Variants in FKBP15 observed in about 807,000 individuals in gnomAD.
FKBP15 encodes the protein FK506-binding protein 15.
A neutral mutation model predicts 158.1 loss-of-function variants in FKBP15; 106 were observed. The ratio of observed to expected loss-of-function variants is 0.67; its 90% CI spans 0.57 to 0.79. FKBP15 has a LOEUF of 0.79. Ranked by LOEUF, FKBP15 falls within the 30% of genes least tolerant of loss-of-function variation. FKBP15 has a pLI of 0.00. For synonymous variants in FKBP15, 547 were observed against 548.6 expected, an observed-to-expected ratio of 1.00 and a Z score of 0.04; for missense variants, 1,287 against 1,479.1, an observed-to-expected ratio of 0.87 and a Z score of 2.13.
Position 113,162,813 on chromosome 9 carries a change from A to G in FKBP15, c.*3265T>C, listed in dbSNP as rs551003567. On this transcript the variant is annotated 3_prime_UTR_variant, in exon 28 of 28. Transcript: ENST00000238256. ...CATCCAGGTGGTCATCGGCTACTTC[A>G]TCATGCTGGCCGTAATGTCCTACAA... 1 of 1,613,752 alleles carries G rather than the reference A, an allele frequency of 6.2e-7. No individual in the cohort carries two copies. The highest frequency in any genetic ancestry group is 1.3e-5 in the African/African-American group (1 of 74,974).
chr9:113,193,136 G>C (rs751313513), intron 11 of FKBP15, among the ~76,000 whole-genome samples: 1 of 152,144 alleles, frequency 6.6e-6, no homozygotes, highest in Non-Finnish European at 1.5e-5. Flanking sequence ...ATTTTCTCAA[G>C]GCCACATGCT....
In FKBP15 at chr9:113,178,751, C is replaced by T. The variant is rs141462079; in HGVS notation, c.1965G>A (p.Leu655=). Residue 655 remains leucine, a synonymous_variant, in exon 20 of 28, where the codon CTG becomes CTA. Transcript: ENST00000238256. ...LAAATAQVSH[L]QLKMTAHQKK... The stretch of plus-strand genomic sequence containing the variant: ...TTTGGTGAGCAGTCATTTTCAGCTG[C>T]AGATGAGAGACCTGTGCAGTGGCCG... 161 of 1,609,648 alleles carry T rather than the reference C, an allele frequency of 1.0e-4. No individual in the cohort carries two copies. The African/African-American group carries it at 1.8e-3, about 18-fold the overall frequency.
intron 22 of FKBP15, 53 bp downstream of exon 22, chr9:113,174,375 C>T: frequency 1.3e-6 from 2 of 1,575,026 alleles, no homozygotes; most frequent in Non-Finnish European, 1.7e-6. Context: ...GCTTTTCTCT[C>T]TGAGTCCTTC....
chr9:113,212,788 A>G (rs78935941), intron 1 of FKBP15, among the ~76,000 whole-genome samples: 43 of 152,236 alleles, frequency 2.8e-4, no homozygotes, highest in African/African-American at 9.9e-4. Context: ...GTAGGGTTTC[A>G]TACTGTCTCT....
rs372157339 is a variant in FKBP15 at position 113,163,863 on chromosome 9, G to T, written c.*2215C>A. 2 of 152,490 alleles carry T rather than the reference G, an allele frequency of 1.3e-5. No homozygotes were observed. Among genetic ancestry groups the T allele is most frequent in the South Asian group, 4.2e-4 (2 of 4,814 alleles). 9.4% of individuals were successfully genotyped at this position (152,490 alleles called of 1,614,324 possible). A position where few individuals can be genotyped will look rare whatever the true frequency, so the allele number is the denominator to read the frequency against. On this transcript the variant is annotated 3_prime_UTR_variant, in exon 28 of 28. Transcript: ENST00000238256. The stretch of plus-strand genomic sequence containing the variant: ...TCTATTTATTACTTACTGCTTACTC[G>T]TAATGATCTAGTGGGGAAACATGAT...
intron 4 of FKBP15, among the ~76,000 whole-genome samples, chr9:113,205,721 C>G (rs541475180): frequency 6.6e-6 from 1 of 152,256 alleles, no homozygotes; most frequent in Non-Finnish European, 1.5e-5. Context: ...CTTCACGATA[C>G]ATACTTTTTT....
rs1271148765 is a variant in FKBP15, at chr9:113,174,559, A to C, written c.2248T>G (p.Ser750Ala). Reference sequence around the variant, plus strand: ...TCGGCCTGAGAACGCTCTTGAGCTGACTTCTTTTTCCTTTCTGAGAGGTTC... The same window carrying C: ...TCGGCCTGAGAACGCTCTTGAGCTGCCTTCTTTTTCCTTTCTGAGAGGTTC... ...EKNLSERKKKSAQERSQAEEE... is the reference protein window; with the variant it reads ...EKNLSERKKKAAQERSQAEEE... Residue 750 changes from serine to alanine, a missense_variant, in exon 22 of 28, where the codon TCA becomes GCA. Coordinates refer to ENST00000238256, the MANE Select transcript of FKBP15 (RefSeq NM_015258.2). 6 of 1,613,756 alleles carry C rather than the reference A, an allele frequency of 3.7e-6. No individual in the cohort carries two copies. In the South Asian group the frequency reaches 6.6e-5, roughly 18 times the overall value.
At chr9:113,187,428 T>C in intron 14 of FKBP15, 1 of 178,806 alleles carries the variant, frequency 5.6e-6, no homozygotes, top group Non-Finnish European at 1.2e-5. Context: ...AACCATACCA[T>C]TCTGCTGAAT....
In FKBP15 at chr9:113,169,658, G is replaced by T. The variant is rs200970951; in HGVS notation, c.3051C>A (p.Leu1017=). 104 of 1,613,998 alleles carry T rather than the reference G, an allele frequency of 6.4e-5. No homozygotes were observed. Among genetic ancestry groups the T allele is most frequent in the Middle Eastern group, 4.9e-4 (3 of 6,062 alleles). Residue 1017 remains leucine (L), a synonymous_variant, in exon 26 of 28, where the codon CTC becomes CTA. Transcript: ENST00000238256. The part of the protein sequence containing the change: ...RRKGDSEAEA[L]SEIKDGSLPP... ...GAAGGGAACCATCTTTTATCTCTGA[G>T]AGTGCCTCAGCTTCTGAGTCCCCTT... is the stretch of plus-strand genomic sequence containing the variant.
rs775023697 is a variant in FKBP15 at position 113,194,111 on chromosome 9, G to A, written c.923C>T (p.Ala308Val). ...AGCACCAGGGATGGGAGACGGAGCT[G>A]CAGAATCGCGGGAACTAACACTGTG... ...DGHSVSSRDS[A>V]APSPIPGADN... The change falls in exon 10 of 28, where the codon GCA becomes GTA. Residue 308 changes from alanine to valine, a missense_variant. Ala to Val is a moderately conservative substitution (Grantham distance 64). Coordinates refer to ENST00000238256, the MANE Select transcript of FKBP15 (RefSeq NM_015258.2). 5.6e-6 allele frequency: 9 copies of A among 1,613,318 alleles called. No individual in the cohort carries two copies. Among genetic ancestry groups the A allele is most frequent in the South Asian group, 3.3e-5 (3 of 91,052 alleles).
Position 113,162,728 on chromosome 9 carries a change from T to A in FKBP15, c.*3350A>T. On this transcript the variant is annotated 3_prime_UTR_variant, in exon 28 of 28. Coordinates refer to ENST00000238256, the MANE Select transcript of FKBP15 (RefSeq NM_015258.2). The stretch of plus-strand genomic sequence containing the variant: ...TTACCAGCTCATTACCAGGATTAAC[T>A]TGCTTCTCCTTTTTATCTAGGTGGT... The A allele has an allele frequency of 6.2e-7, 1 of 1,600,972 alleles. No individual in the cohort carries two copies. Among genetic ancestry groups the A allele is most frequent in the Middle Eastern group, 1.7e-4 (1 of 5,964 alleles).
At chr9:113,166,892 T>C (rs1400436141) in intron 27 of FKBP15, among the ~76,000 whole-genome samples, 1 of 152,188 alleles carries the variant, frequency 6.6e-6, no homozygotes, top group African/African-American at 2.4e-5. Flanking sequence ...GGATTGATGC[T>C]ACAGACAGGC....
intron 19 of FKBP15, among the ~76,000 whole-genome samples, chr9:113,179,865 T>G (rs1476689886): frequency 6.6e-6 from 1 of 152,216 alleles, no homozygotes. Context: ...TTTAAGATAC[T>G]TATTTTTGCT....
Position 113,165,864 on chromosome 9 carries a change from C to A in FKBP15, c.*214G>T. The A allele has an allele frequency of 2.1e-6, 1 of 484,694 alleles. No individual in the cohort carries two copies. Among genetic ancestry groups the A allele is most frequent in the Non-Finnish European group, 3.8e-6 (1 of 265,872 alleles). The allele number at this position is 484,694 out of a possible 1,614,324, so 30.0% of individuals were successfully genotyped here. On this transcript the variant is annotated 3_prime_UTR_variant, in exon 28 of 28. Coordinates refer to ENST00000238256, the MANE Select transcript of FKBP15 (RefSeq NM_015258.2). Reference sequence around the variant, plus strand: ...CTTCTTCCAACTTGCTGCTGAAATCCCAGTGTTCTTGAAGACAGGGTTATG... The same window carrying A: ...CTTCTTCCAACTTGCTGCTGAAATCACAGTGTTCTTGAAGACAGGGTTATG...
At position 113,164,744 on chromosome 9, in the gene FKBP15, A is replaced by C. The variant is rs534038815; in HGVS notation, c.*1334T>G. On this transcript the variant is annotated 3_prime_UTR_variant, in exon 28 of 28. Transcript: ENST00000238256. ...GAATTCTTGTGCTGAGGCTTCCTAG[A>C]TATGTAACTTTGGGCAAATTACTTT... 6.6e-6 allele frequency: 1 copy of C among 152,324 alleles called. No individual in the cohort carries two copies. Among genetic ancestry groups the C allele is most frequent in the South Asian group, 2.1e-4 (1 of 4,830 alleles). 9.4% of individuals were successfully genotyped at this position (152,324 alleles called of 1,614,324 possible). A position where few individuals can be genotyped will look rare whatever the true frequency, so the allele number is the denominator to read the frequency against.
intron 12 of FKBP15, among the ~76,000 whole-genome samples, chr9:113,188,946 T>C (rs922013083): frequency 6.6e-6 from 1 of 152,234 alleles, no homozygotes; most frequent in Non-Finnish European, 1.5e-5. Context: ...TCAGATAACG[T>C]AGGATTCACT....
rs1342702731 is a variant in FKBP15, at chr9:113,164,518, GAAAT to G, written c.*1556_*1559del. The G allele has an allele frequency of 1.3e-5, 2 of 152,352 alleles. No homozygotes were observed. The highest frequency in any genetic ancestry group is 2.1e-4 in the South Asian group (1 of 4,826). 9.4% of individuals were successfully genotyped at this position (152,352 alleles called of 1,614,324 possible). A position where few individuals can be genotyped will look rare whatever the true frequency, so the allele number is the denominator to read the frequency against. The stretch of plus-strand genomic sequence containing the variant: ...ATAGCCACTAGTTAATTTACAATAA[GAAAT>G]AACTGCCCTAGAAAGTAGACTATGT... On this transcript the variant is annotated 3_prime_UTR_variant, in exon 28 of 28. Coordinates refer to ENST00000238256, the MANE Select transcript of FKBP15 (RefSeq NM_015258.2).
At position 113,169,761 on chromosome 9, in the gene FKBP15, G is replaced by A. The variant is rs770489669; in HGVS notation, c.2948C>T (p.Pro983Leu). Residue 983 changes from proline (P) to leucine (L), a missense_variant, in exon 26 of 28, where the codon CCC (proline) becomes CTC (leucine). Physicochemically the swap from Pro to Leu is moderately conservative, Grantham distance 98. Transcript: ENST00000238256. ...AGCTTCCTCGACCACCTGCTCTGAGGGCACCATGGGGGACTCTGGCCTCTC... is the reference window on the plus strand; with the variant it reads ...AGCTTCCTCGACCACCTGCTCTGAGAGCACCATGGGGGACTCTGGCCTCTC... Reference protein sequence around the residue: ...NRERPESPMVPSEQVVEEAVP... With the variant: ...NRERPESPMVLSEQVVEEAVP... The A allele has an allele frequency of 1.9e-6, 3 of 1,607,948 alleles. No individual in the cohort carries two copies. The highest frequency in any genetic ancestry group is 1.7e-5 in the Admixed American group (1 of 59,104).
At chr9:113,212,511 A>G (rs2118952771) in intron 1 of FKBP15, among the ~76,000 whole-genome samples, 1 of 152,110 alleles carries the variant, frequency 6.6e-6, no homozygotes, top group South Asian at 2.1e-4. Context: ...CTTCTTTGCT[A>G]CTAACCCCAG....
Sources: allele counts gnomAD v4.1 joint callset (sites outside exome capture counted in the v4.1 genomes callset), GRCh38; gene constraint gnomAD v4.1.1; transcripts MANE v1.5; gene names NCBI Gene and HGNC (gene_info 2026-07-23, HGNC 2026-07-21).